The following JPT1 variants were observed in gnomAD, a reference collection of about 807,000 sequenced individuals.
The protein encoded by JPT1 is androgen-regulated protein 2.
JPT1 carries 5 observed loss-of-function variants against 17.0 expected under a neutral mutation model. The observed-to-expected ratio is 0.29, with a 90% CI of 0.15 to 0.62. The LOEUF (loss-of-function observed/expected upper bound fraction) is 0.62. Ranked by LOEUF, JPT1 falls within the 20% of genes least tolerant of loss-of-function variation. The pLI, the probability that JPT1 is intolerant of heterozygous loss-of-function variation, is 0.85. For synonymous variants in JPT1, 71 were observed against 73.6 expected (o/e 0.96, Z 0.18); for missense variants, 158 against 188.1 (o/e 0.84, Z 0.94).
intron 4 of JPT1, among the ~76,000 whole-genome samples, chr17:75,143,827 G>A (rs2074372509): frequency 6.6e-6 from 1 of 151,194 alleles, no homozygotes; most frequent in African/African-American, 2.4e-5. Context: ...CAGAGAGTGA[G>A]ACTCCATCTC....
intron 2 of JPT1, 119 bp downstream of exon 2, chr17:75,148,410 T>G: frequency 8.2e-7 from 1 of 1,214,148 alleles, no homozygotes; most frequent in Non-Finnish European, 1.2e-6. Context: ...TACCACCAGC[T>G]AATTTTTGTT....
At chr17:75,151,497 T>A (rs1178940352) in intron 1 of JPT1, among the ~76,000 whole-genome samples, 1 of 151,622 alleles carries the variant, frequency 6.6e-6, no homozygotes, top group Non-Finnish European at 1.5e-5. Context: ...GTACTACAAA[T>A]GTACAAAAAT....
At chr17:75,142,615 GAGGAGGGGAGGGAGGGGA>G in intron 4 of JPT1, 1 of 218,744 alleles carries the variant, frequency 4.6e-6, no homozygotes, top group Non-Finnish European at 8.4e-6. Flanking sequence ...AAGGGGGAGA[GAGGAGGGGAGGGAGGGGA>G]GGGAGGGGAG....
chr17:75,136,319 TTC>T (rs773618126), intron 4 of JPT1, 69 bp from the exon 5 acceptor site: 6 of 1,462,904 alleles, frequency 4.1e-6, no homozygotes, highest in Non-Finnish European at 5.5e-6. Flanking sequence ...AAGGATCTGT[TTC>T]TCTTTTTCTT....
At chr17:75,141,903 T>A (rs2074317699) in intron 4 of JPT1, among the ~76,000 whole-genome samples, 2 of 151,940 alleles carry the variant, frequency 1.3e-5, no homozygotes, top group South Asian at 2.1e-4. Flanking sequence ...ACTCCGTCTC[T>A]ACTAAAAGTA....
intron 4 of JPT1, among the ~76,000 whole-genome samples, chr17:75,140,908 G>A (rs1247585913): frequency 6.6e-6 from 1 of 152,164 alleles, no homozygotes; most frequent in African/African-American, 2.4e-5. Flanking sequence ...TGGGCAAGAT[G>A]GTGAAATCCT....
intron 4 of JPT1, chr17:75,145,972 G>T (rs1280297139): frequency 6.6e-6 from 1 of 152,038 alleles, no homozygotes; most frequent in African/African-American, 2.4e-5. Flanking sequence ...CAGTTACTAG[G>T]GAGGCTGAGG....
chr17:75,146,131 G>C (rs1031774897), intron 4 of JPT1, among the ~76,000 whole-genome samples: 1 of 152,016 alleles, frequency 6.6e-6, no homozygotes, highest in African/African-American at 2.4e-5. Flanking sequence ...TAATATGTAT[G>C]TGTGTGTGTT....
chr17:75,144,213 G>A (rs1328227255), intron 4 of JPT1, among the ~76,000 whole-genome samples: 2 of 152,038 alleles, frequency 1.3e-5, no homozygotes, highest in Non-Finnish European at 2.9e-5. Flanking sequence ...CTGTTTATTT[G>A]TATCCTTTCA....
chr17:75,135,745 G>A lies in JPT1; in HGVS notation c.*357C>T, dbSNP rs1396771133. ...CTGGCAGGAACGGTGCCTGTGGACT[G>A]TTTATGGTCTGTCCAGTTGAGGCTT... is the stretch of plus-strand genomic sequence containing the variant. On this transcript the variant is annotated 3_prime_UTR_variant, in exon 5 of 5. Transcript: ENST00000409753. The A allele has an allele frequency of 5.3e-6, 2 of 376,626 alleles. No individual in the cohort carries two copies. The highest frequency in any genetic ancestry group is 9.7e-6 in the Non-Finnish European group (2 of 205,738). 23.3% of individuals were successfully genotyped at this position (376,626 alleles called of 1,614,324 possible). A position where few individuals can be genotyped will look rare whatever the true frequency, so the allele number is the denominator to read the frequency against.
In JPT1 at chr17:75,146,685, C is replaced by CTAGAAAAGAAAA. The variant is rs1392557171; in HGVS notation, c.298-13_298-2dup. Reference sequence around the variant, plus strand: ...ACTTACCATGAATATCACCTTCTCCCTAGAAAAGAAAAAAATTCAAAAATT... The same window carrying CTAGAAAAGAAAA: ...ACTTACCATGAATATCACCTTCTCCCTAGAAAAGAAAATAGAAAAGAAAAAAATTCAAAAATT... On this transcript the variant is annotated splice_acceptor_variant, in intron 3 of 4. Coordinates refer to ENST00000409753, the MANE Select transcript of JPT1 (RefSeq NM_016185.4). LOFTEE classifies it high-confidence loss of function. The CTAGAAAAGAAAA allele has an allele frequency of 6.5e-7, 1 of 1,536,634 alleles. No homozygotes were observed. The highest frequency in any genetic ancestry group is 1.4e-5 in the African/African-American group (1 of 72,766).
intron 4 of JPT1, among the ~76,000 whole-genome samples, chr17:75,144,326 C>G (rs1367703887): frequency 2.0e-5 from 3 of 151,802 alleles, no homozygotes; most frequent in Non-Finnish European, 4.4e-5. Flanking sequence ...TGTAACATAA[C>G]ATAGTGAGAC....
rs565766389 is a variant in JPT1 at position 75,138,122 on chromosome 17, G to A, written c.317-1872C>T. Among the ~76,000 whole-genome samples, 15 of 150,326 alleles carry A rather than the reference G, an allele frequency of 1.0e-4. No homozygotes were observed. The East Asian group carries it at 2.6e-3, about 26-fold the overall frequency. Reference sequence around the variant, plus strand: ...ATTATAGGTGCCCGCTACAACGCCCGACTAATTTTTTGTATTTTTAGTAGA... The same window carrying A: ...ATTATAGGTGCCCGCTACAACGCCCAACTAATTTTTTGTATTTTTAGTAGA... On this transcript the variant is annotated intron_variant, in intron 4 of 4. Coordinates refer to ENST00000409753, the MANE Select transcript of JPT1 (RefSeq NM_016185.4).
At chr17:75,140,062 C>T (rs1461901212) in intron 4 of JPT1, among the ~76,000 whole-genome samples, 3 of 152,140 alleles carry the variant, frequency 2.0e-5, no homozygotes, top group Non-Finnish European at 4.4e-5. Context: ...GGATTACAGG[C>T]GCGTGCCACC....
chr17:75,144,168 T>C (rs1260806370), intron 4 of JPT1, among the ~76,000 whole-genome samples: 1 of 152,102 alleles, frequency 6.6e-6, no homozygotes, highest in African/African-American at 2.4e-5. Context: ...ACTTGGGACC[T>C]TTCCATACCA....
intron 1 of JPT1, among the ~76,000 whole-genome samples, chr17:75,151,672 T>A (rs1188963452): frequency 3.5e-5 from 5 of 144,388 alleles, no homozygotes; most frequent in Non-Finnish European, 7.6e-5. Context: ...AAAAATAAAT[T>A]AATTAAAAAA....
At chr17:75,136,450 T>C (rs939385400) in intron 4 of JPT1, among the ~76,000 whole-genome samples, 200 bp from the exon 5 acceptor site, 5 of 152,200 alleles carry the variant, frequency 3.3e-5, no homozygotes, top group African/African-American at 1.2e-4. Flanking sequence ...GTTGTTTATG[T>C]TCTTTTCTAA....
Position 75,139,122 on chromosome 17 carries a change from A to C in JPT1, c.317-2872T>G, listed in dbSNP as rs544808268. On this transcript the variant is annotated intron_variant, in intron 4 of 4. Transcript: ENST00000409753. ...GTGTCCCTGAAATAACCTAAATATA[A>C]TTGTAAATATAAAAGAAAAACAAAA... Among the ~76,000 whole-genome samples the C allele has an allele frequency of 2.2e-4, 33 of 152,320 alleles. 1 individual carries two copies. The highest frequency in any genetic ancestry group is 7.9e-4 in the African/African-American group (33 of 41,576).
rs2074481763 is a variant in JPT1, at chr17:75,148,422, T to C, written c.199+107A>G. ...CACTACCACCAGCTAATTTTTGTTT[T>C]GTTTTGTTTTTTAGACACGGGGGCA... On this transcript the variant is annotated intron_variant, in intron 2 of 4. Coordinates refer to ENST00000409753, the MANE Select transcript of JPT1 (RefSeq NM_016185.4). The C allele has an allele frequency of 4.4e-6, 6 of 1,369,272 alleles. No homozygotes were observed. In the South Asian group the frequency reaches 8.2e-5, roughly 19 times the overall value. 84.8% of individuals were successfully genotyped at this position (1,369,272 alleles called of 1,614,324 possible).
Sources: gnomAD v4.1 joint callset for allele counts (sites outside exome capture counted in the v4.1 genomes callset) on GRCh38, gnomAD v4.1.1 for gene constraint, MANE v1.5 for transcripts, NCBI Gene and HGNC (gene_info 2026-07-23, HGNC 2026-07-21) for gene names.